Variants in COL13A1 observed in about 807,000 individuals in gnomAD.
The protein encoded by COL13A1 is collagen alpha-1(XIII) chain.
COL13A1 carries 89 observed loss-of-function variants against 130.9 expected under a neutral mutation model. The ratio of observed to expected loss-of-function variants is 0.68; its 90% CI spans 0.57 to 0.81. The LOEUF is 0.81. Ranked by LOEUF, COL13A1 falls within the 30% of genes least tolerant of loss-of-function variation. COL13A1 has a pLI of 0.00. For synonymous variants in COL13A1, 402 were observed against 341.6 expected, an observed-to-expected ratio of 1.18 and a Z score of -1.95; for missense variants, 879 against 934.6, an observed-to-expected ratio of 0.94 and a Z score of 0.78.
intron 17 of COL13A1, among the ~76,000 whole-genome samples, chr10:69,906,247 C>T (rs1391767407): frequency 6.6e-6 from 1 of 152,226 alleles, no homozygotes; most frequent in Non-Finnish European, 1.5e-5. Flanking sequence ...GATGAATGGG[C>T]AGATGTATCA....
chr10:69,884,461 C>A (rs1485448366), intron 7 of COL13A1, among the ~76,000 whole-genome samples: 1 of 152,134 alleles, frequency 6.6e-6, no homozygotes, highest in African/African-American at 2.4e-5. Flanking sequence ...TCTCAAGGGT[C>A]AAATAAGAGA....
chr10:69,933,546 C>A (rs1272469390), intron 31 of COL13A1, among the ~76,000 whole-genome samples: 1 of 152,128 alleles, frequency 6.6e-6, no homozygotes, highest in Non-Finnish European at 1.5e-5. Context: ...GCACCTCAGA[C>A]CCATGGGAGA....
intron 34 of COL13A1, among the ~76,000 whole-genome samples, chr10:69,940,202 G>A (rs2067437531): frequency 6.7e-6 from 1 of 148,448 alleles, no homozygotes; most frequent in South Asian, 2.1e-4. Context: ...CTGATAGCAG[G>A]TTGGTCTCAG....
At chr10:69,805,082 G>A (rs1841171439) in intron 1 of COL13A1, among the ~76,000 whole-genome samples, 1 of 152,190 alleles carries the variant, frequency 6.6e-6, no homozygotes, top group Non-Finnish European at 1.5e-5. Context: ...GGAAGTCCAG[G>A]ACCCCGGAGG....
In COL13A1 at chr10:69,875,158, C is replaced by T. The variant is rs756010028; in HGVS notation, c.430C>T (p.Arg144Cys). 1.2e-5 allele frequency: 20 copies of T among 1,613,980 alleles called. No individual in the cohort carries two copies. Among genetic ancestry groups the T allele is most frequent in the East Asian group, 8.9e-5 (4 of 44,882 alleles). ...CAAAGGTGCCATTGGGATGCCTGGA[C>T]GTGTGGTGAGTTGGCCCGTTTGTAC... ...GDKGAIGMPG[R>C]VGVKGQPGEK... Residue 144 changes from arginine (R) to cysteine (C), a missense_variant, in exon 5 of 41, where the codon CGT becomes TGT. By Grantham distance (180) the Arg-to-Cys change is radical. This residue lies in a region of COL13A1 where 715 missense variants were observed against 721.0 expected (regional missense o/e 0.99). Coordinates refer to ENST00000645393, the MANE Select transcript of COL13A1 (RefSeq NM_001368882.1).
intron 37 of COL13A1, 101 bp from the exon 38 acceptor site, chr10:69,947,206 G>A: frequency 2.9e-6 from 3 of 1,023,760 alleles, no homozygotes; most frequent in Middle Eastern, 2.6e-4. Context: ...TGTCTCCAGT[G>A]AGTGAGGCAT....
chr10:69,827,406 A>C (rs1589275879), intron 2 of COL13A1, among the ~76,000 whole-genome samples: 1 of 152,164 alleles, frequency 6.6e-6, no homozygotes, highest in Admixed American at 6.5e-5. Flanking sequence ...GGTTCAGCAG[A>C]AAATGTGGTA....
At chr10:69,889,603 C>A (rs552019843) in intron 10 of COL13A1, among the ~76,000 whole-genome samples, 163 bp downstream of exon 10, 3 of 152,336 alleles carry the variant, frequency 2.0e-5, no homozygotes, top group Admixed American at 6.5e-5. Context: ...ATCCTCACAT[C>A]AATATGCAGG....
chr10:69,927,995 T>C (rs1342582193), intron 27 of COL13A1, among the ~76,000 whole-genome samples: 1 of 152,094 alleles, frequency 6.6e-6, no homozygotes, highest in Admixed American at 6.5e-5. Flanking sequence ...CTACTAAAAA[T>C]ACAAAAGTTA....
intron 4 of COL13A1, among the ~76,000 whole-genome samples, chr10:69,873,394 C>T (rs899825768): frequency 6.6e-6 from 1 of 152,158 alleles, no homozygotes; most frequent in Non-Finnish European, 1.5e-5. Context: ...ACGGGTGAAT[C>T]GGTCCCATGA....
In COL13A1 at chr10:69,860,349, T is replaced by C. The variant is rs531084577; in HGVS notation, c.365-7449T>C. Among the ~76,000 whole-genome samples the C allele has an allele frequency of 1.2e-3, 186 of 152,198 alleles. 1 individual carries two copies. Among genetic ancestry groups the C allele is most frequent in the Non-Finnish European group, 2.2e-3 (150 of 68,032 alleles). On this transcript the variant is annotated intron_variant, in intron 2 of 40. Coordinates refer to ENST00000645393, the MANE Select transcript of COL13A1 (RefSeq NM_001368882.1). ...ATGCATAGCTGGTGTTGAGCAGGTG[T>C]TGAAAGCGGGCATGAGGGAGACACA... is the stretch of plus-strand genomic sequence containing the variant.
chr10:69,930,206 G>C, intron 29 of COL13A1, 119 bp downstream of exon 29: 1 of 1,026,360 alleles, frequency 9.7e-7, no homozygotes, highest in Non-Finnish European at 1.4e-6. Flanking sequence ...AAGGGAAGGG[G>C]AGATGGGGGG....
In COL13A1 at chr10:69,901,034, A is replaced by C. The variant is rs1483772567; in HGVS notation, c.751-1714A>C. Among the ~76,000 whole-genome samples the C allele has an allele frequency of 2.6e-5, 4 of 152,326 alleles. No individual in the cohort carries two copies. The East Asian group carries it at 7.7e-4, about 29-fold the overall frequency. ...ACACACAAAGTACAGGATTCTGAGG[A>C]GGTTCCGGGACCCAAGCAGCTGAAT... is the stretch of plus-strand genomic sequence containing the variant. On this transcript the variant is annotated intron_variant, in intron 14 of 40. Transcript: ENST00000645393.
rs543725440 is a variant in COL13A1, at chr10:69,829,221, T to C, written c.364+6783T>C. 8 of 985,300 alleles carry C rather than the reference T, an allele frequency of 8.1e-6. No individual in the cohort carries two copies. The African/African-American group carries it at 1.2e-4, about 15-fold the overall frequency. The allele number at this position is 985,300 out of a possible 1,614,324, so 61.0% of individuals were successfully genotyped here. On this transcript the variant is annotated intron_variant, in intron 2 of 40. Transcript: ENST00000645393. ...TCAATTTCCTCCACCTCCACCGTCA[T>C]CACCCTTGTTCAGGGTGCTGCCACC... is the stretch of plus-strand genomic sequence containing the variant.
chr10:69,845,563 C>G (rs1452800295), intron 2 of COL13A1, among the ~76,000 whole-genome samples: 1 of 152,112 alleles, frequency 6.6e-6, no homozygotes, highest in Non-Finnish European at 1.5e-5. Context: ...ATCCCCAACC[C>G]ACTAGCCTGT....
chr10:69,840,332 TC>T (rs769348335), intron 2 of COL13A1, among the ~76,000 whole-genome samples: 1 of 151,594 alleles, frequency 6.6e-6, no homozygotes, highest in Non-Finnish European at 1.5e-5. Flanking sequence ...TGACTCGGGG[TC>T]CTTTAAGTTG....
chr10:69,847,288 T>C (rs1589417253), intron 2 of COL13A1, among the ~76,000 whole-genome samples: 1 of 152,112 alleles, frequency 6.6e-6, no homozygotes, highest in Non-Finnish European at 1.5e-5. Context: ...AGGGCTGGGG[T>C]GTGGACCACT....
rs541194647 is a variant in COL13A1 at position 69,932,875 on chromosome 10, G to A, written c.1728+271G>A. On this transcript the variant is annotated intron_variant, in intron 31 of 40. Coordinates refer to ENST00000645393, the MANE Select transcript of COL13A1 (RefSeq NM_001368882.1). ...GAACTTGCCGGGCACGGTGGCTCACGCCTGTAATCCTAGCAATTTGGGAGG... is the reference window on the plus strand; with the variant it reads ...GAACTTGCCGGGCACGGTGGCTCACACCTGTAATCCTAGCAATTTGGGAGG... Among the ~76,000 whole-genome samples, 7 of 152,192 alleles carry A rather than the reference G, an allele frequency of 4.6e-5. No homozygotes were observed. The South Asian group carries it at 1.0e-3, about 23-fold the overall frequency.
Position 69,922,758 on chromosome 10 carries a change from T to C in COL13A1, c.1194T>C (p.Pro398=). The C allele has an allele frequency of 6.2e-7, 1 of 1,604,554 alleles. No homozygotes were observed. The highest frequency in any genetic ancestry group is 1.7e-4 in the Middle Eastern group (1 of 6,042). The stretch of plus-strand genomic sequence containing the variant: ...CCATTGGAGGAGGCAGAGGGGAACC[T>C]GGCCCTCCAGGGCTCCCTGGGCCCC... ...GNSIGGGRGE[P]GPPGLPGPPG... Residue 398 remains proline, a synonymous_variant, in exon 23 of 41, where the codon CCT becomes CCC. Coordinates refer to ENST00000645393, the MANE Select transcript of COL13A1 (RefSeq NM_001368882.1).
Sources: allele counts gnomAD v4.1 joint callset (sites outside exome capture counted in the v4.1 genomes callset), GRCh38; gene constraint gnomAD v4.1.1; regional missense constraint gnomAD v4.1.1; transcripts MANE v1.5; gene names NCBI Gene and HGNC (gene_info 2026-07-23, HGNC 2026-07-21).